Variants in ALG6 observed in about 807,000 individuals in gnomAD.
The protein encoded by ALG6 is ALG6 alpha-1,3-glucosyltransferase, also known as dolichyl pyrophosphate Man9GlcNAc2 alpha-1,3-glucosyltransferase.
Under a neutral mutation model 66.6 loss-of-function variants are expected in ALG6, and 46 were observed. That is an observed-to-expected ratio of 0.69 (90% CI 0.55 to 0.88). The LOEUF (loss-of-function observed/expected upper bound fraction) is 0.88, where lower values mean the gene tolerates loss of function less well. Among genes scored for constraint, ALG6 ranks in the 40% least tolerant of loss-of-function variants. ALG6 has a pLI of 0.00. For missense variants in ALG6, 505 were observed against 586.8 expected, an observed-to-expected ratio of 0.86 and a Z score of 1.44; for synonymous variants, 185 against 203.7, an observed-to-expected ratio of 0.91 and a Z score of 0.78.
chr1:63,373,657 C>CTTTTTTT lies in ALG6; in HGVS notation c.82+2598_82+2599insTTTTTTT, dbSNP rs1557578257. ...TTATTTTTCAATTTAATTTAATTTA[C>CTTTTTTT]ATTTTTTTTTTTTTTTTTTTTGAGA... On this transcript the variant is annotated intron_variant, in intron 2 of 14. Coordinates refer to ENST00000263440, the MANE Select transcript of ALG6 (RefSeq NM_013339.4). Among the ~76,000 whole-genome samples, 7 of 114,760 alleles carry CTTTTTTT rather than the reference C, an allele frequency of 6.1e-5. 1 individual carries two copies. Among genetic ancestry groups the CTTTTTTT allele is most frequent in the Non-Finnish European group, 5.4e-5 (3 of 55,376 alleles). The allele number at this position is 114,760 out of a possible 152,430, so 75.3% of individuals were successfully genotyped here. A position where few individuals can be genotyped will look rare whatever the true frequency, so the allele number is the denominator to read the frequency against.
chr1:63,428,451 A>C (rs915964891), intron 12 of ALG6: 1 of 257,168 alleles, frequency 3.9e-6, no homozygotes, highest in African/African-American at 2.2e-5. Flanking sequence ...TCCTTTTCTT[A>C]AGCTACTTGT....
chr1:63,422,261 A>AT (rs1644584786), intron 12 of ALG6, among the ~76,000 whole-genome samples: 1 of 102,410 alleles, frequency 9.8e-6, no homozygotes, highest in Non-Finnish European at 1.9e-5. Context: ...ATATTTATAT[A>AT]GATATAAATA....
At chr1:63,415,726 TTTAAA>T (rs1644542928) in intron 10 of ALG6, 142 bp from the exon 11 acceptor site, 3 of 527,726 alleles carry the variant, frequency 5.7e-6, no homozygotes, top group Non-Finnish European at 9.9e-6. Flanking sequence ...TTATTTCATC[TTTAAA>T]TTTAATAAAT....
At chr1:63,414,549 C>T (rs745768988) in intron 10 of ALG6, among the ~76,000 whole-genome samples, 3 of 152,030 alleles carry the variant, frequency 2.0e-5, no homozygotes, top group African/African-American at 7.2e-5. Flanking sequence ...TGCACCCAGC[C>T]GAGGTGTTTT....
At chr1:63,405,981 C>T (rs1374794294) in intron 5 of ALG6, among the ~76,000 whole-genome samples, 1 of 151,882 alleles carries the variant, frequency 6.6e-6, no homozygotes, top group Admixed American at 6.6e-5. Context: ...ATTCTTTATA[C>T]TAGAAAATTC....
chr1:63,395,347 A>G (rs1382924479), intron 2 of ALG6, among the ~76,000 whole-genome samples: 1 of 152,204 alleles, frequency 6.6e-6, no homozygotes, highest in African/African-American at 2.4e-5. Flanking sequence ...TCTTTTTAAC[A>G]TATAGTCTGT....
Position 63,404,409 on chromosome 1 carries a change from A to C in ALG6, c.258-44A>C, listed in dbSNP as rs368079798. The C allele has an allele frequency of 5.6e-6, 8 of 1,423,336 alleles. No individual in the cohort carries two copies. In the African/African-American group the frequency reaches 1.1e-4, roughly 20 times the overall value. 88.2% of individuals were successfully genotyped at this position (1,423,336 alleles called of 1,614,324 possible). On this transcript the variant is annotated intron_variant, in intron 4 of 14. Transcript: ENST00000263440. ...ATCCTTCAATATCTTTATTGCTAAA[A>C]GGGATGAGGAATGAAGTATCTGTAT...
chr1:63,387,578 G>C (rs1418128534), intron 2 of ALG6, among the ~76,000 whole-genome samples: 1 of 94,802 alleles, frequency 1.1e-5, no homozygotes, highest in Non-Finnish European at 1.9e-5. Flanking sequence ...GTCTTGCTCT[G>C]TTGCCCAGGC....
Position 63,370,840 on chromosome 1 carries a change from C to G in ALG6, c.-138C>G, listed in dbSNP as rs893072117. 1.4e-6 allele frequency: 1 copy of G among 708,326 alleles called. No homozygotes were observed. Among genetic ancestry groups the G allele is most frequent in the Non-Finnish European group, 2.6e-6 (1 of 387,782 alleles). The allele number at this position is 708,326 out of a possible 1,614,324, so 43.9% of individuals were successfully genotyped here. On this transcript the variant is annotated 5_prime_UTR_variant, in exon 2 of 15. Coordinates refer to ENST00000263440, the MANE Select transcript of ALG6 (RefSeq NM_013339.4). ...CAAGCATCATTAAAATTCTCTCAAA[C>G]TCCTAATTGCGAAGAATCGATAACA...
intron 2 of ALG6, among the ~76,000 whole-genome samples, chr1:63,382,641 GTTTTTTTTTGTTTGTTTTTTTTTGTTTT>G (rs1193812511): frequency 5.9e-5 from 3 of 51,048 alleles, no homozygotes; most frequent in African/African-American, 1.0e-4. Context: ...GCCTGGCTAA[GTTTTTTTTTGTTTGTTTTTTTTTGTTTT>G]TTTTTTTTTG....
intron 9 of ALG6, among the ~76,000 whole-genome samples, chr1:63,413,106 T>A (rs12130979): frequency 0.16 from 24,451 of 152,138 alleles, 2,335 homozygotes; most frequent in South Asian, 0.22. Context: ...TTTTATTTGA[T>A]CTTTACAGTA....
chr1:63,407,181 C>A (rs1487716601), intron 7 of ALG6, 55 bp downstream of exon 7: 2 of 1,267,160 alleles, frequency 1.6e-6, no homozygotes, highest in South Asian at 1.2e-5. Flanking sequence ...AATCTAGACT[C>A]AATGTGTACA....
intron 7 of ALG6, among the ~76,000 whole-genome samples, chr1:63,409,505 A>T (rs1460998332): frequency 6.6e-6 from 1 of 152,036 alleles, no homozygotes; most frequent in Non-Finnish European, 1.5e-5. Context: ...GGGTTGGGTT[A>T]TCTTGAGTTT....
chr1:63,391,984 C>T (rs192945123), intron 2 of ALG6, among the ~76,000 whole-genome samples: 174 of 152,254 alleles, frequency 1.1e-3, no homozygotes, highest in African/African-American at 4.1e-3. Context: ...CAAATGGCAA[C>T]ACTTGAGCTG....
At chr1:63,378,936 T>G (rs1648218360) in intron 2 of ALG6, among the ~76,000 whole-genome samples, 1 of 142,838 alleles carries the variant, frequency 7.0e-6, no homozygotes, top group African/African-American at 2.7e-5. Flanking sequence ...GAAGTTCTCT[T>G]TGGTTCCTTT....
chr1:63,408,871 C>T (rs1473572963), intron 7 of ALG6, among the ~76,000 whole-genome samples: 1 of 152,184 alleles, frequency 6.6e-6, no homozygotes, highest in Non-Finnish European at 1.5e-5. Flanking sequence ...CCTCTGCCTC[C>T]TGGGTTCAAA....
chr1:63,400,884 AC>A (rs1644461795), intron 3 of ALG6, among the ~76,000 whole-genome samples: 1 of 152,160 alleles, frequency 6.6e-6, no homozygotes, highest in South Asian at 2.1e-4. Flanking sequence ...ATAAAATAAA[AC>A]TTTATGCTAT....
In ALG6 at chr1:63,406,326, C is replaced by T. The variant is rs1644489602; in HGVS notation, c.356C>T (p.Ala119Val). ...KLFMRTTVLIADLLIYIPAVV... is the reference protein window; with the variant it reads ...KLFMRTTVLIVDLLIYIPAVV... ...TTACTTGTGTTTTCAGTTTTAATTG[C>T]TGATCTGCTGATTTACATACCTGCA... Residue 119 changes from alanine to valine, a missense_variant, in exon 6 of 15, where the codon GCT becomes GTT. By Grantham distance (64) the Ala-to-Val change is moderately conservative. Coordinates refer to ENST00000263440, the MANE Select transcript of ALG6 (RefSeq NM_013339.4). 1.2e-6 allele frequency: 2 copies of T among 1,612,940 alleles called. No individual in the cohort carries two copies. The highest frequency in any genetic ancestry group is 1.7e-6 in the Non-Finnish European group (2 of 1,179,326).
At chr1:63,413,065 C>A (rs1193406590) in intron 9 of ALG6, among the ~76,000 whole-genome samples, 1 of 152,090 alleles carries the variant, frequency 6.6e-6, no homozygotes, top group Non-Finnish European at 1.5e-5. Context: ...TTATAACCAC[C>A]ACTTAGCAGG....
Sources: allele counts gnomAD v4.1 joint callset (sites outside exome capture counted in the v4.1 genomes callset), GRCh38; gene constraint gnomAD v4.1.1; transcripts MANE v1.5; gene names NCBI Gene and HGNC (gene_info 2026-07-23, HGNC 2026-07-21).